ROBO1: variants seen among roughly 807,000 people sequenced by gnomAD.
The protein encoded by ROBO1 is roundabout homolog 1.
Under a neutral mutation model 195.9 loss-of-function variants are expected in ROBO1, and 149 were observed. The ratio of observed to expected loss-of-function variants is 0.76; its 90% CI spans 0.67 to 0.87. The LOEUF (loss-of-function observed/expected upper bound fraction) is 0.87. Ranked by LOEUF, ROBO1 falls within the 40% of genes least tolerant of loss-of-function variation. ROBO1 has a pLI of 0.00. For synonymous variants in ROBO1, 816 were observed against 733.2 expected, an observed-to-expected ratio of 1.11 and a Z score of -1.82; for missense variants, 1,933 against 2,068.3, an observed-to-expected ratio of 0.93 and a Z score of 1.27.
chr3:79,589,783 A>C, intron 2 of ROBO1, 41 bp downstream of exon 2: 1 of 1,459,380 alleles, frequency 6.9e-7, no homozygotes, highest in Non-Finnish European at 9.6e-7. Context: ...CAAAGAGGGA[A>C]TACTGGTTAA....
chr3:78,984,576 T>A (rs906127458), intron 3 of ROBO1, among the ~76,000 whole-genome samples: 1 of 152,218 alleles, frequency 6.6e-6, no homozygotes, highest in African/African-American at 2.4e-5. Flanking sequence ...TGTATTTCTC[T>A]GCTCTTTTAG....
At chr3:78,672,975 A>G (rs1223735100) in intron 10 of ROBO1, among the ~76,000 whole-genome samples, 1 of 152,178 alleles carries the variant, frequency 6.6e-6, no homozygotes, top group Non-Finnish European at 1.5e-5. Flanking sequence ...ACTCTCTCCA[A>G]TACAGTAGCC....
At chr3:79,747,911 T>G (rs1703944195) in intron 1 of ROBO1, among the ~76,000 whole-genome samples, 1 of 152,026 alleles carries the variant, frequency 6.6e-6, no homozygotes, top group Admixed American at 6.6e-5. Flanking sequence ...AAAAATAATT[T>G]GAAATTGTTG....
At chr3:79,689,186 A>G (rs1018417051) in intron 1 of ROBO1, among the ~76,000 whole-genome samples, 20 of 151,994 alleles carry the variant, frequency 1.3e-4, no homozygotes, top group African/African-American at 4.3e-4. Flanking sequence ...AGGATATCAA[A>G]CCTTTGATTT....
intron 1 of ROBO1, among the ~76,000 whole-genome samples, chr3:79,741,319 G>C (rs1703639685): frequency 1.3e-5 from 2 of 152,134 alleles, no homozygotes; most frequent in South Asian, 4.1e-4. Context: ...TTGTAATAGA[G>C]ATGTGTTTCT....
At chr3:79,620,698 C>T (rs538540109) in intron 1 of ROBO1, among the ~76,000 whole-genome samples, 1 of 152,008 alleles carries the variant, frequency 6.6e-6, no homozygotes, top group Non-Finnish European at 1.5e-5. Context: ...CTACCTTAAA[C>T]CATAAGTATG....
intron 2 of ROBO1, among the ~76,000 whole-genome samples, chr3:79,320,671 T>C (rs1222630340): frequency 1.3e-5 from 2 of 152,186 alleles, no homozygotes; most frequent in Non-Finnish European, 2.9e-5. Flanking sequence ...AACACAATCA[T>C]TCAGTCCATA....
At chr3:79,689,520 A>G (rs547760430) in intron 1 of ROBO1, among the ~76,000 whole-genome samples, 14 of 152,106 alleles carry the variant, frequency 9.2e-5, no homozygotes, top group African/African-American at 3.1e-4. Flanking sequence ...GTACATCTGT[A>G]GGAGCACACT....
intron 2 of ROBO1, among the ~76,000 whole-genome samples, chr3:79,470,210 C>T (rs145029197): frequency 0.011 from 1,628 of 152,154 alleles, 30 homozygotes; most frequent in African/African-American, 0.037. Flanking sequence ...CACATATACA[C>T]CATGGAATAC....
intron 3 of ROBO1, chr3:79,019,432 C>T: frequency 6.1e-6 from 6 of 986,244 alleles, no homozygotes; most frequent in Non-Finnish European, 7.2e-6. Flanking sequence ...AGTTTCTGCT[C>T]TCACGCTGCC....
chr3:79,665,259 T>C (rs1576199669), intron 1 of ROBO1, among the ~76,000 whole-genome samples: 1 of 152,060 alleles, frequency 6.6e-6, no homozygotes, highest in East Asian at 1.9e-4. Flanking sequence ...ATAAAGTAAA[T>C]ATGATTTCAT....
intron 28 of ROBO1, among the ~76,000 whole-genome samples, chr3:78,610,710 T>C (rs1406430079): frequency 6.6e-6 from 1 of 152,148 alleles, no homozygotes; most frequent in African/African-American, 2.4e-5. Flanking sequence ...TAGGTGTTAT[T>C]TATAACACAA....
At chr3:78,845,653 T>A (rs1177412413) in intron 4 of ROBO1, among the ~76,000 whole-genome samples, 1 of 152,170 alleles carries the variant, frequency 6.6e-6, no homozygotes, top group East Asian at 1.9e-4. Flanking sequence ...AATGCTGTCT[T>A]TGAATGGCAC....
At chr3:79,639,613 A>G (rs951151264) in intron 1 of ROBO1, among the ~76,000 whole-genome samples, 1 of 152,164 alleles carries the variant, frequency 6.6e-6, no homozygotes, top group African/African-American at 2.4e-5. Context: ...CTAATTTTAT[A>G]AGTTGCTACC....
intron 4 of ROBO1, among the ~76,000 whole-genome samples, chr3:78,785,445 C>T (rs1355394886): frequency 6.6e-6 from 1 of 152,118 alleles, no homozygotes; most frequent in Middle Eastern, 3.2e-3. Context: ...TGCTTCACTG[C>T]TTTCAAAACA....
At chr3:79,695,643 G>T (rs1315610331) in intron 1 of ROBO1, among the ~76,000 whole-genome samples, 1 of 151,308 alleles carries the variant, frequency 6.6e-6, no homozygotes, top group Non-Finnish European at 1.5e-5. Flanking sequence ...AATGGCTACT[G>T]AACTATACTC....
At position 78,945,475 on chromosome 3, in the gene ROBO1, A is replaced by C. The variant is rs573856814; in HGVS notation, c.173-6548T>G. Among the ~76,000 whole-genome samples the C allele has an allele frequency of 6.6e-5, 10 of 152,314 alleles. No homozygotes were observed. The South Asian group carries it at 2.1e-3, about 32-fold the overall frequency. On this transcript the variant is annotated intron_variant, in intron 3 of 30. Coordinates refer to ENST00000464233, the MANE Select transcript of ROBO1 (RefSeq NM_002941.4). ...CTGAGGGTCCTGTCTGTTAGAAAGA[A>C]AACTAACATACAGAAAGGACATCCA...
chr3:79,189,938 A>C (rs1343142307), intron 2 of ROBO1, among the ~76,000 whole-genome samples: 1 of 151,674 alleles, frequency 6.6e-6, no homozygotes, highest in Non-Finnish European at 1.5e-5. Context: ...GCCCTTTACA[A>C]TTTAATGATA....
chr3:79,324,097 C>G (rs1241033284), intron 2 of ROBO1, among the ~76,000 whole-genome samples: 1 of 151,992 alleles, frequency 6.6e-6, no homozygotes, highest in African/African-American at 2.4e-5. Context: ...AATGAAAAAT[C>G]TTAACTAAAA....
Sources: allele counts gnomAD v4.1 joint callset (sites outside exome capture counted in the v4.1 genomes callset), GRCh38; gene constraint gnomAD v4.1.1; transcripts MANE v1.5; gene names NCBI Gene and HGNC (gene_info 2026-07-23, HGNC 2026-07-21).